PPM1B: variants seen among roughly 807,000 people sequenced by gnomAD.
The protein encoded by PPM1B is protein phosphatase 1B.
In PPM1B, 22 loss-of-function variants were observed where a neutral mutation model predicts 43.0. The observed-to-expected ratio is 0.51, with a 90% CI of 0.37 to 0.73. The LOEUF (loss-of-function observed/expected upper bound fraction) is 0.73, where lower values mean the gene tolerates loss of function less well. PPM1B is among the 30% of genes least tolerant of loss of function. The probability of loss-of-function intolerance (pLI) is 0.00; values close to 1 mark genes in which losing one functional copy is unlikely to be tolerated. For missense variants in PPM1B, 632 were observed against 584.2 expected (o/e 1.08, Z -0.84); for synonymous variants, 217 against 197.9 (o/e 1.10, Z -0.81).
chr2:44,180,066 A>G (rs987669039), intron 1 of PPM1B, among the ~76,000 whole-genome samples: 1 of 152,122 alleles, frequency 6.6e-6, no homozygotes, highest in African/African-American at 2.4e-5. Flanking sequence ...ATATTCCCCA[A>G]AATGTGTATT....
intron 5 of PPM1B, among the ~76,000 whole-genome samples, chr2:44,239,896 G>GT (rs66631221): frequency 0.37 from 52,112 of 140,158 alleles, 11,937 homozygotes; most frequent in Non-Finnish European, 0.51. Context: ...TTTTGTTTTT[G>GT]TTTTTTTTTT....
At chr2:44,174,186 A>G (rs1330860243) in intron 1 of PPM1B, among the ~76,000 whole-genome samples, 3 of 152,210 alleles carry the variant, frequency 2.0e-5, no homozygotes. Flanking sequence ...TCAGTATTCT[A>G]TTTTTTAGCT....
intron 1 of PPM1B, among the ~76,000 whole-genome samples, chr2:44,188,393 C>CT (rs67959948): frequency 0.013 from 1,237 of 92,272 alleles, 19 homozygotes; most frequent in Middle Eastern, 0.03. Context: ...TTCTTTCTTT[C>CT]TTTTTTTTTT....
At position 44,241,857 on chromosome 2, in the gene PPM1B, C is replaced by CTTTTTTTTTTTTTTTT. The variant is rs397984437; in HGVS notation, n.1547-2367_1547-2352dup. On this transcript the variant is annotated intron_variant and non_coding_transcript_variant, in intron 5 of 5. Coordinates refer to the PPM1B transcript ENST00000378540. ...GTTATAATAAGTATTAGAAAATAAT[C>CTTTTTTTTTTTTTTTT]TTTTTTTTTTTTTTTTTTTGAGACG... is the stretch of plus-strand genomic sequence containing the variant. Among the ~76,000 whole-genome samples the CTTTTTTTTTTTTTTTT allele has an allele frequency of 3.7e-4, 34 of 90,948 alleles. 8 individuals are homozygous for CTTTTTTTTTTTTTTTT. The highest frequency in any genetic ancestry group is 1.2e-3 in the African/African-American group (27 of 21,996). The allele number at this position is 90,948 out of a possible 152,430, so 59.7% of individuals were successfully genotyped here.
chr2:44,195,604 G>A (rs1668626005), intron 1 of PPM1B, among the ~76,000 whole-genome samples: 1 of 152,138 alleles, frequency 6.6e-6, no homozygotes, highest in African/African-American at 2.4e-5. Context: ...TGGACGCCAG[G>A]AGTTCAAGGC....
At chr2:44,241,737 A>G (rs1368881914) in intron 5 of PPM1B, among the ~76,000 whole-genome samples, 1 of 152,070 alleles carries the variant, frequency 6.6e-6, no homozygotes, top group Non-Finnish European at 1.5e-5. Flanking sequence ...GTCTCAAAAC[A>G]TAAAATGTCT....
intron 3 of PPM1B, among the ~76,000 whole-genome samples, chr2:44,213,303 T>G (rs1669568908): frequency 6.6e-6 from 1 of 151,810 alleles, no homozygotes; most frequent in East Asian, 1.9e-4. Flanking sequence ...GGTTACATAG[T>G]TACCTGTATT....
downstream of PPM1B, among the ~76,000 whole-genome samples, chr2:44,234,953 G>T (rs780495088): frequency 2.0e-5 from 3 of 152,102 alleles, no homozygotes; most frequent in Non-Finnish European, 4.4e-5. Flanking sequence ...GTGCTTTTGC[G>T]TTCAGTCTGT....
At chr2:44,224,678 A>G (rs1670134981) in intron 5 of PPM1B, among the ~76,000 whole-genome samples, 1 of 136,168 alleles carries the variant, frequency 7.3e-6, no homozygotes, top group South Asian at 2.6e-4. Flanking sequence ...AAGCTATGTT[A>G]GTCTAGCTGA....
chr2:44,181,572 G>A (rs1245393177), intron 1 of PPM1B, among the ~76,000 whole-genome samples: 1 of 152,200 alleles, frequency 6.6e-6, no homozygotes, highest in African/African-American at 2.4e-5. Context: ...GGTAGGGTGA[G>A]AGAGACACTG....
downstream of PPM1B, chr2:44,233,050 T>A (rs1021631278): frequency 2.0e-6 from 2 of 981,888 alleles, no homozygotes; most frequent in African/African-American, 3.5e-5. Context: ...AATGGATTAA[T>A]TTATGGCTAT....
Position 44,201,402 on chromosome 2 carries a change from CAAATT to C in PPM1B, c.205_209del (p.Asn69LeufsTer12). 1 of 1,614,098 alleles carries C rather than the reference CAAATT, an allele frequency of 6.2e-7. No homozygotes were observed. Among genetic ancestry groups the C allele is most frequent in the South Asian group, 1.1e-5 (1 of 91,082 alleles). The stretch of plus-strand genomic sequence containing the variant: ...GATGGTCATGCTGGATCCCGAGTGG[CAAATT>C]ACTGCTCAACACATTTATTAGAACA... On this transcript the variant is annotated frameshift_variant, in exon 2 of 6. Coordinates refer to ENST00000282412, the MANE Select transcript of PPM1B (RefSeq NM_002706.6). LOFTEE classifies it high-confidence loss of function. This position sits in a 1 kb window ranked among gnomAD's most constrained non-coding sequence, Gnocchi z 5.4.
chr2:44,184,266 G>T (rs560757142), intron 1 of PPM1B, among the ~76,000 whole-genome samples: 23 of 152,168 alleles, frequency 1.5e-4, no homozygotes, highest in Non-Finnish European at 2.2e-4. Context: ...ATAGGACATT[G>T]ACCTGTTAGC....
At chr2:44,222,876 GCT>G (rs754893588) in intron 5 of PPM1B, among the ~76,000 whole-genome samples, 10 of 152,070 alleles carry the variant, frequency 6.6e-5, no homozygotes, top group Admixed American at 2.0e-4. Flanking sequence ...TTTGTCCCAG[GCT>G]GGAGTGCTAT....
intron 2 of PPM1B, 77 bp downstream of exon 2, chr2:44,202,122 A>T: frequency 7.4e-7 from 1 of 1,348,010 alleles, no homozygotes. Flanking sequence ...GCTAACTTAA[A>T]ATTTTAAAAC....
chr2:44,229,601 A>T (rs1330335719), intron 5 of PPM1B, among the ~76,000 whole-genome samples: 1 of 152,202 alleles, frequency 6.6e-6, no homozygotes, highest in African/African-American at 2.4e-5. Flanking sequence ...AATTAGCATT[A>T]TTAGATTCAT....
chr2:44,175,961 C>G (rs552115385), intron 1 of PPM1B, among the ~76,000 whole-genome samples: 1 of 151,760 alleles, frequency 6.6e-6, no homozygotes, highest in African/African-American at 2.4e-5. Context: ...AATTTTTGTA[C>G]TTTTAGTAGA....
chr2:44,220,506 G>A (rs1669929587), intron 5 of PPM1B, among the ~76,000 whole-genome samples: 1 of 152,122 alleles, frequency 6.6e-6, no homozygotes, highest in Non-Finnish European at 1.5e-5. Context: ...CTATAGAAAT[G>A]GGATATATGT....
In PPM1B at chr2:44,201,689, T is replaced by C; in HGVS notation, c.490T>C (p.Phe164Leu). The C allele has an allele frequency of 6.2e-7, 1 of 1,614,188 alleles. No individual in the cohort carries two copies. Among genetic ancestry groups the C allele is most frequent in the Non-Finnish European group, 8.5e-7 (1 of 1,180,016 alleles). Residue 164 changes from phenylalanine (F) to leucine (L), a missense_variant, in exon 2 of 6, where the codon TTT becomes CTT. Transcript: ENST00000282412. This position sits in a 1 kb window ranked among gnomAD's most constrained non-coding sequence, Gnocchi z 5.4. ...TCTGTATAGGAATGGACAAGTCTGC[T>C]TTTCTACCCAGGATCACAAACCTTG... Reference protein sequence around the residue: ...AVLYRNGQVCFSTQDHKPCNP... With the variant: ...AVLYRNGQVCLSTQDHKPCNP...
Sources: gnomAD v4.1 joint callset for allele counts (sites outside exome capture counted in the v4.1 genomes callset) on GRCh38, gnomAD v4.1.1 for gene constraint, Gnocchi (gnomAD v3.1) non-coding constraint, MANE v1.5 for transcripts, NCBI Gene and HGNC (gene_info 2026-07-23, HGNC 2026-07-21) for gene names.